FYCO1: variants seen among roughly 807,000 people sequenced by gnomAD.
The protein encoded by FYCO1 is FYVE and coiled-coil domain-containing protein 1.
FYCO1 carries 122 observed loss-of-function variants against 165.1 expected under a neutral mutation model. The ratio of observed to expected loss-of-function variants is 0.74; its 90% CI spans 0.64 to 0.86. FYCO1 has a LOEUF of 0.86. FYCO1 is among the 40% of genes least tolerant of loss of function. The pLI, the probability that FYCO1 is intolerant of heterozygous loss-of-function variation, is 0.00. For missense variants in FYCO1, 1,702 were observed against 1,810.3 expected, an observed-to-expected ratio of 0.94 and a Z score of 1.09; for synonymous variants, 648 against 742.5, an observed-to-expected ratio of 0.87 and a Z score of 2.07.
At chr3:45,932,268 C>A (rs530881122) in intron 15 of FYCO1, among the ~76,000 whole-genome samples, 8 of 152,228 alleles carry the variant, frequency 5.3e-5, no homozygotes, top group Admixed American at 1.3e-4. Context: ...TGCAGAGCTG[C>A]AACTTAGGAG....
intron 13 of FYCO1, 126 bp downstream of exon 13, chr3:45,958,282 C>T (rs1705468505): frequency 2.6e-6 from 2 of 772,264 alleles, no homozygotes; most frequent in Admixed American, 4.6e-5. Flanking sequence ...TATATTTTAG[C>T]ACCTCTTTAA....
chr3:45,950,424 C>A (rs915472370), intron 14 of FYCO1, among the ~76,000 whole-genome samples: 1 of 152,072 alleles, frequency 6.6e-6, no homozygotes, highest in African/African-American at 2.4e-5. Flanking sequence ...GTGCTAGGGG[C>A]CCAGGTGTCC....
At position 45,955,351 on chromosome 3, in the gene FYCO1, T is replaced by G. The variant is rs376093611; in HGVS notation, c.3842A>C (p.Asp1281Ala). The G allele has an allele frequency of 1.2e-6, 2 of 1,614,066 alleles. No individual in the cohort carries two copies. The highest frequency in any genetic ancestry group is 2.7e-5 in the African/African-American group (2 of 74,916). The change falls in exon 14 of 18, where the codon GAT (aspartate) becomes GCT (alanine). Residue 1281 changes from aspartate (D) to alanine (A), a missense_variant. Asp to Ala is a moderately radical substitution (Grantham distance 126). Transcript: ENST00000296137. ...DYRPPDDAVF[D>A]IITDEELCQI... ...GCACAATTCCTCATCTGTGATGATA[T>G]CAAACACAGCGTCGTCCGGTGGCCT...
At chr3:45,937,512 A>G (rs188746421) in intron 14 of FYCO1, among the ~76,000 whole-genome samples, 2 of 152,336 alleles carry the variant, frequency 1.3e-5, no homozygotes, top group Admixed American at 1.3e-4. Flanking sequence ...CTGAGACCCC[A>G]GTTTTCCTTC....
intron 1 of FYCO1, among the ~76,000 whole-genome samples, chr3:45,989,649 T>A (rs1707477586): frequency 6.6e-6 from 1 of 152,226 alleles, no homozygotes; most frequent in African/African-American, 2.4e-5. Context: ...TGTCATCTTC[T>A]CTCTTTCATA....
At chr3:45,923,520 G>A in intron 17 of FYCO1, 136 bp downstream of exon 17, 3 of 712,018 alleles carry the variant, frequency 4.2e-6, no homozygotes, top group Non-Finnish European at 7.8e-6. Context: ...AACACCACAG[G>A]AGAGGGGTCA....
chr3:45,970,568 T>C (rs1206075745), intron 6 of FYCO1, among the ~76,000 whole-genome samples: 1 of 152,176 alleles, frequency 6.6e-6, no homozygotes, highest in Non-Finnish European at 1.5e-5. Context: ...CTCTACACCA[T>C]GGGTTGGCAT....
Position 45,928,699 on chromosome 3 carries a change from T to C in FYCO1, c.4251+2372A>G, listed in dbSNP as rs78679461. Reference sequence around the variant, plus strand: ...GTTTCCTCCACTGTGGTCTTCATCATCGCCCAGGGGTCTCCTTTCCTCATC... The same window carrying C: ...GTTTCCTCCACTGTGGTCTTCATCACCGCCCAGGGGTCTCCTTTCCTCATC... On this transcript the variant is annotated intron_variant, in intron 16 of 17. Transcript: ENST00000296137. 2.8e-4 allele frequency among the ~76,000 whole-genome samples: 42 copies of C among 152,238 alleles called. No individual in the cohort carries two copies. The East Asian group carries it at 7.9e-3, about 29-fold the overall frequency.
At chr3:45,989,567 C>A (rs143006881) in intron 1 of FYCO1, among the ~76,000 whole-genome samples, 32 of 152,366 alleles carry the variant, frequency 2.1e-4, no homozygotes, top group Middle Eastern at 6.8e-3. Context: ...GTGACCCAAC[C>A]CCTTGGACCT....
intron 2 of FYCO1, chr3:45,984,474 C>T (rs1372614809): frequency 5.4e-6 from 2 of 368,652 alleles, no homozygotes; most frequent in East Asian, 1.4e-4. Flanking sequence ...CCTTCCTGCT[C>T]AGTGGGAGAA....
chr3:45,984,671 G>C (rs1024165156), intron 2 of FYCO1, 185 bp downstream of exon 2: 6 of 700,796 alleles, frequency 8.6e-6, no homozygotes, highest in African/African-American at 1.8e-5. Flanking sequence ...AACCAGGCAA[G>C]CTTTCCAAGC....
chr3:45,940,157 A>G (rs984004622), intron 14 of FYCO1, among the ~76,000 whole-genome samples: 1 of 152,238 alleles, frequency 6.6e-6, no homozygotes, highest in African/African-American at 2.4e-5. Context: ...GTGTTAGAGT[A>G]GGTAGCTAGG....
intron 14 of FYCO1, among the ~76,000 whole-genome samples, chr3:45,940,323 C>G (rs796637468): frequency 1.3e-5 from 2 of 152,160 alleles, no homozygotes; most frequent in Non-Finnish European, 2.9e-5. Flanking sequence ...ACATCTGAAG[C>G]TGGTAATCAG....
chr3:45,944,674 A>T (rs1056128844), intron 14 of FYCO1, among the ~76,000 whole-genome samples: 1 of 152,220 alleles, frequency 6.6e-6, no homozygotes, highest in Non-Finnish European at 1.5e-5. Context: ...ACCAATTATT[A>T]TACATCAAAG....
intron 4 of FYCO1, among the ~76,000 whole-genome samples, chr3:45,979,158 C>A (rs1212011876): frequency 6.6e-6 from 1 of 152,306 alleles, no homozygotes; most frequent in South Asian, 2.1e-4. Flanking sequence ...CCGCGCCCGG[C>A]CTGTTCTGGA....
chr3:45,992,717 A>G (rs1476742727), intron 1 of FYCO1, among the ~76,000 whole-genome samples: 4 of 152,144 alleles, frequency 2.6e-5, no homozygotes, highest in Non-Finnish European at 4.4e-5. Context: ...GGGGTAACAG[A>G]CATTCTCAGT....
chr3:45,974,186 C>G (rs1186211377), intron 5 of FYCO1, among the ~76,000 whole-genome samples: 1 of 152,154 alleles, frequency 6.6e-6, no homozygotes, highest in Non-Finnish European at 1.5e-5. Context: ...TGAGGCCAAG[C>G]TGGGCAACAT....
At chr3:45,989,162 C>T (rs1026211047) in intron 1 of FYCO1, among the ~76,000 whole-genome samples, 15 of 152,168 alleles carry the variant, frequency 9.9e-5, no homozygotes, top group African/African-American at 3.4e-4. Context: ...TAAGGGCTGA[C>T]CCAGAGAGGA....
intron 3 of FYCO1, among the ~76,000 whole-genome samples, chr3:45,980,606 T>G (rs1706995937): frequency 6.6e-6 from 1 of 152,206 alleles, no homozygotes; most frequent in Non-Finnish European, 1.5e-5. Context: ...AAGAACCAGC[T>G]GAAATGTCAT....
Sources: gnomAD v4.1 joint callset for allele counts (sites outside exome capture counted in the v4.1 genomes callset) on GRCh38, gnomAD v4.1.1 for gene constraint, MANE v1.5 for transcripts, NCBI Gene and HGNC (gene_info 2026-07-23, HGNC 2026-07-21) for gene names.